XNDC1N: variants seen among roughly 807,000 people sequenced by gnomAD.
XNDC1N encodes the protein XRCC1 N-terminal domain containing 1, N-terminal like.
At chr11:71,908,674 C>T in the XNDC1N span, among the ~76,000 whole-genome samples, 281 of 152,236 alleles carry the variant, frequency 1.8e-3, 1 homozygote, top group Admixed American at 3.9e-3. Flanking sequence ...TACCGAAAAG[C>T]CACAAGCCCT....
At chr11:71,915,159 G>A in the XNDC1N span, among the ~76,000 whole-genome samples, 3 of 152,014 alleles carry the variant, frequency 2.0e-5, no homozygotes, top group Non-Finnish European at 4.4e-5. Context: ...AAAAGATTAC[G>A]ACTCGCTGGC....
At chr11:71,867,233 A>G in the XNDC1N span, among the ~76,000 whole-genome samples, 2 of 152,234 alleles carry the variant, frequency 1.3e-5, no homozygotes, top group African/African-American at 4.8e-5. Context: ...AAATCAAAGA[A>G]CAAATGAAAC....
the XNDC1N span, among the ~76,000 whole-genome samples, chr11:71,882,049 C>A: frequency 6.6e-6 from 1 of 151,540 alleles, no homozygotes; most frequent in African/African-American, 2.4e-5. Context: ...TAAACATAGG[C>A]ATATTATATT....
At chr11:71,924,366 G>C in the XNDC1N span, among the ~76,000 whole-genome samples, 2 of 151,880 alleles carry the variant, frequency 1.3e-5, no homozygotes, top group African/African-American at 4.8e-5. Context: ...GTGACAGAGT[G>C]AGACCCTAAC....
the XNDC1N span, chr11:71,918,815 A>T: frequency 7.3e-6 from 5 of 682,542 alleles, no homozygotes; most frequent in Admixed American, 1.0e-4. Context: ...GAGACATGTT[A>T]GTGGAGTAGT....
At chr11:71,923,179 C>T in the XNDC1N span, 2 of 669,774 alleles carry the variant, frequency 3.0e-6, no homozygotes, top group Non-Finnish European at 5.3e-6. Context: ...GCTGTTTCTT[C>T]TCTTAGACTC....
At chr11:71,875,590 CTA>C in the XNDC1N span, among the ~76,000 whole-genome samples, 1 of 151,334 alleles carries the variant, frequency 6.6e-6, no homozygotes, top group Non-Finnish European at 1.5e-5. Flanking sequence ...AGCATAGAGA[CTA>C]TGATTTTCCT....
At chr11:71,913,939 C>T in the XNDC1N span, among the ~76,000 whole-genome samples, 1 of 152,152 alleles carries the variant, frequency 6.6e-6, no homozygotes, top group Non-Finnish European at 1.5e-5. Flanking sequence ...GCATGGTTTC[C>T]TGAATATTTT....
the XNDC1N span, among the ~76,000 whole-genome samples, chr11:71,909,596 G>A: frequency 3.3e-5 from 5 of 152,216 alleles, no homozygotes; most frequent in African/African-American, 1.2e-4. Flanking sequence ...ATAGTCAGGG[G>A]TGGAGATATT....
chr11:71,897,936 G>T, the XNDC1N span, among the ~76,000 whole-genome samples: 12 of 152,198 alleles, frequency 7.9e-5, no homozygotes, highest in East Asian at 3.9e-4. Flanking sequence ...TAATCGCAGC[G>T]TCTTGGAAGA....
chr11:71,892,387 T>G, the XNDC1N span, among the ~76,000 whole-genome samples: 1 of 152,070 alleles, frequency 6.6e-6, no homozygotes, highest in Non-Finnish European at 1.5e-5. Context: ...TGTAATACCT[T>G]ATGAATAATA....
the XNDC1N span, among the ~76,000 whole-genome samples, chr11:71,883,667 A>C: frequency 3.7e-3 from 569 of 152,348 alleles, 3 homozygotes; most frequent in African/African-American, 0.013. Context: ...AGAAACTTTC[A>C]TGATGTTGGT....
At chr11:71,912,173 G>A in the XNDC1N span, among the ~76,000 whole-genome samples, 2 of 152,214 alleles carry the variant, frequency 1.3e-5, no homozygotes, top group African/African-American at 4.8e-5. Flanking sequence ...CCAGCATGAT[G>A]CGAGGCAAGG....
At chr11:71,922,297 T>G in the XNDC1N span, among the ~76,000 whole-genome samples, 1 of 151,538 alleles carries the variant, frequency 6.6e-6, no homozygotes, top group African/African-American at 2.4e-5. Context: ...GGTTTTTTTG[T>G]TTGTTTGTTT....
At chr11:71,882,523 G>A in the XNDC1N span, among the ~76,000 whole-genome samples, 1 of 152,206 alleles carries the variant, frequency 6.6e-6, no homozygotes, top group Non-Finnish European at 1.5e-5. Context: ...AGGCCACCAT[G>A]CCCAGCCTAC....
chr11:71,911,685 G>C, the XNDC1N span, among the ~76,000 whole-genome samples: 1 of 152,260 alleles, frequency 6.6e-6, no homozygotes, highest in East Asian at 1.9e-4. Flanking sequence ...AGAAAGAAAA[G>C]GGCCTATTGA....
chr11:71,877,213 G>C, the XNDC1N span, among the ~76,000 whole-genome samples: 1 of 152,336 alleles, frequency 6.6e-6, no homozygotes, highest in African/African-American at 2.4e-5. Flanking sequence ...GTAGCACCAA[G>C]AAGAAGCCAT....
chr11:71,883,779 G>A, the XNDC1N span, among the ~76,000 whole-genome samples: 1 of 152,168 alleles, frequency 6.6e-6, no homozygotes, highest in Non-Finnish European at 1.5e-5. Context: ...ATAGGCTCCT[G>A]TCCATATCTC....
chr11:71,910,232 A>G, the XNDC1N span, among the ~76,000 whole-genome samples: 1 of 152,220 alleles, frequency 6.6e-6, no homozygotes, highest in African/African-American at 2.4e-5. Context: ...TGCTTCATCA[A>G]GCTAAACTGA....
Sources: gnomAD v4.1 joint callset for allele counts (sites outside exome capture counted in the v4.1 genomes callset) on GRCh38, gnomAD v4.1.1 for gene constraint, MANE v1.5 for transcripts, NCBI Gene and HGNC (gene_info 2026-07-23, HGNC 2026-07-21) for gene names.